EFL1: variants seen among roughly 807,000 people sequenced by gnomAD.
The protein encoded by EFL1 is elongation factor-like GTPase 1.
Under a neutral mutation model 126.7 loss-of-function variants are expected in EFL1, and 76 were observed. The observed-to-expected ratio is 0.60, with a 90% CI of 0.50 to 0.73. The LOEUF is 0.73. Among genes scored for constraint, EFL1 ranks in the 30% least tolerant of loss-of-function variants. The pLI, the probability that EFL1 is intolerant of heterozygous loss-of-function variation, is 0.00. For missense variants in EFL1, 1,128 were observed against 1,343.2 expected (o/e 0.84, Z 2.50); for synonymous variants, 410 against 448.4 (o/e 0.91, Z 1.08).
chr15:82,194,772 C>T (rs749344398), intron 15 of EFL1, among the ~76,000 whole-genome samples: 7 of 152,128 alleles, frequency 4.6e-5, no homozygotes, highest in Non-Finnish European at 8.8e-5. Context: ...TTGCTTTACT[C>T]AAAAAGATAG....
intron 8 of EFL1, among the ~76,000 whole-genome samples, chr15:82,230,071 T>C (rs2141315184): frequency 6.6e-6 from 1 of 151,568 alleles, no homozygotes; most frequent in East Asian, 1.9e-4. Flanking sequence ...AAGCTTTTAA[T>C]GGCAAGGGAA....
intron 3 of EFL1, among the ~76,000 whole-genome samples, chr15:82,256,298 A>T (rs2075066131): frequency 6.6e-6 from 1 of 152,128 alleles, no homozygotes; most frequent in Admixed American, 6.5e-5. Context: ...TATGCTATTT[A>T]AATGGTTTAC....
rs369875678 is a variant in EFL1 at position 82,240,324 on chromosome 15, C to T, written c.516+94G>A. ...CGTATGAATCTGAAGTGGAAAAGTT[C>T]CCTTTTCTGTAGCAACGGCTCATAC... On this transcript the variant is annotated intron_variant, in intron 6 of 19. Transcript: ENST00000268206. 3.2e-3 allele frequency: 3,998 copies of T among 1,256,560 alleles called. 10 individuals carry two copies. The highest frequency in any genetic ancestry group is 3.7e-3 in the Non-Finnish European group (3,441 of 917,980). 77.8% of individuals were successfully genotyped at this position (1,256,560 alleles called of 1,614,324 possible). A position where few individuals can be genotyped will look rare whatever the true frequency, so the allele number is the denominator to read the frequency against.
chr15:82,180,388 CAAAA>C (rs1249635717), intron 15 of EFL1, among the ~76,000 whole-genome samples: 11 of 96,196 alleles, frequency 1.1e-4, no homozygotes, highest in Non-Finnish European at 2.1e-4. Context: ...AAAAAACAAA[CAAAA>C]AAAACCAGCC....
chr15:82,230,823 C>G (rs1258936732), intron 8 of EFL1, 25 bp downstream of exon 8: 1 of 1,583,326 alleles, frequency 6.3e-7, no homozygotes, highest in African/African-American at 1.4e-5. Flanking sequence ...TGACCAACAA[C>G]CAAAAGGGAC....
intron 17 of EFL1, 63 bp from the exon 18 acceptor site, chr15:82,152,486 G>T: frequency 7.2e-7 from 1 of 1,391,126 alleles, no homozygotes; most frequent in Non-Finnish European, 9.7e-7. Flanking sequence ...AAGCTCCTGT[G>T]TAGAAATTAC....
intron 12 of EFL1, among the ~76,000 whole-genome samples, chr15:82,222,045 G>C (rs1300428296): frequency 1.3e-5 from 2 of 152,138 alleles, no homozygotes; most frequent in Non-Finnish European, 2.9e-5. Flanking sequence ...TGAAAAGTGT[G>C]AATTAAAATA....
At chr15:82,249,379 T>A (rs1320449789) in intron 4 of EFL1, among the ~76,000 whole-genome samples, 1 of 151,890 alleles carries the variant, frequency 6.6e-6, no homozygotes, top group Non-Finnish European at 1.5e-5. Context: ...TATAAACTTG[T>A]AAATTTATTT....
intron 14 of EFL1, among the ~76,000 whole-genome samples, chr15:82,217,786 C>T (rs181537684): frequency 1.4e-4 from 22 of 152,212 alleles, no homozygotes; most frequent in East Asian, 1.2e-3. Flanking sequence ...TTCTAACAAA[C>T]GGAATATGGC....
In EFL1 at chr15:82,211,561, C is replaced by CACTAGACACATACTAG. The variant is rs1595985625; in HGVS notation, c.1750+3155_1750+3156insCTAGTATGTGTCTAGT. 4.5e-5 allele frequency among the ~76,000 whole-genome samples: 6 copies of CACTAGACACATACTAG among 134,208 alleles called. No individual in the cohort carries two copies. In the East Asian group the frequency reaches 1.1e-3, roughly 24 times the overall value. 88.0% of individuals were successfully genotyped at this position (134,208 alleles called of 152,430 possible). A position where few individuals can be genotyped will look rare whatever the true frequency, so the allele number is the denominator to read the frequency against. ...AAAAAAATCTATATACACACACACA[C>CACTAGACACATACTAG]ACACACACACACACACACACTAGAC... On this transcript the variant is annotated intron_variant, in intron 15 of 19. Transcript: ENST00000268206.
intron 4 of EFL1, among the ~76,000 whole-genome samples, chr15:82,246,220 A>C (rs1264094490): frequency 6.6e-6 from 1 of 152,040 alleles, no homozygotes; most frequent in East Asian, 1.9e-4. Context: ...TCCACCTTTC[A>C]AGGCCTGCTG....
At chr15:82,214,617 G>T in intron 15 of EFL1, 100 bp downstream of exon 15, 1 of 1,435,902 alleles carries the variant, frequency 7.0e-7, no homozygotes, top group Non-Finnish European at 9.4e-7. Flanking sequence ...TCAAACTAAA[G>T]AATAAAGTTA....
intron 15 of EFL1, chr15:82,174,333 C>T (rs1327132522): frequency 1.1e-4 from 17 of 152,030 alleles, no homozygotes; most frequent in Admixed American, 1.0e-3. Flanking sequence ...GAATAAGCCT[C>T]GCCCTGGGAA....
chr15:82,220,408 C>T lies in EFL1; in HGVS notation c.1293-179G>A, dbSNP rs146634238. Among the ~76,000 whole-genome samples the T allele has an allele frequency of 1.4e-3, 209 of 152,290 alleles. 1 individual carries two copies. Among genetic ancestry groups the T allele is most frequent in the African/African-American group, 4.8e-3 (198 of 41,572 alleles). On this transcript the variant is annotated intron_variant, in intron 12 of 19. Transcript: ENST00000268206. ...GCCTATCAGCCTCTCTCTAATAATG[C>T]TGTGTCCCAACTATTCTGAGCTTAT...
chr15:82,227,253 G>A (rs866361355), intron 11 of EFL1, among the ~76,000 whole-genome samples, 197 bp downstream of exon 11: 3 of 152,330 alleles, frequency 2.0e-5, no homozygotes, highest in Middle Eastern at 6.8e-3. Context: ...CAAAATGGCT[G>A]TAACAAGAAA....
At chr15:82,161,674 T>C (rs1221546563) in intron 16 of EFL1, among the ~76,000 whole-genome samples, 1 of 152,256 alleles carries the variant, frequency 6.6e-6, no homozygotes, top group Non-Finnish European at 1.5e-5. Flanking sequence ...GTTTACTTTT[T>C]ACAAAGTTCA....
chr15:82,164,672 C>T (rs1274577151), intron 15 of EFL1, among the ~76,000 whole-genome samples: 1 of 151,376 alleles, frequency 6.6e-6, no homozygotes, highest in African/African-American at 2.4e-5. Flanking sequence ...CCGAGGCCGG[C>T]GGATCACAAG....
At chr15:82,246,549 AAAG>A (rs1356161278) in intron 4 of EFL1, among the ~76,000 whole-genome samples, 1 of 150,368 alleles carries the variant, frequency 6.7e-6, no homozygotes, top group Non-Finnish European at 1.5e-5. Context: ...TGTGGGGCTG[AAAG>A]AAGGATTTAT....
rs749035487 is a variant in EFL1, at chr15:82,241,449, C to T, written c.245-46G>A. On this transcript the variant is annotated intron_variant, in intron 4 of 19. Transcript: ENST00000268206. Reference sequence around the variant, plus strand: ...ACACATTTTCAGTTGTCCAGGTACACAATGTTCTTCCTCAGGCGTTCTAGA... The same window carrying T: ...ACACATTTTCAGTTGTCCAGGTACATAATGTTCTTCCTCAGGCGTTCTAGA... 7.6e-6 allele frequency: 12 copies of T among 1,585,100 alleles called. No homozygotes were observed. The South Asian group carries it at 1.4e-4, about 18-fold the overall frequency.
Sources: allele counts gnomAD v4.1 joint callset (sites outside exome capture counted in the v4.1 genomes callset), GRCh38; gene constraint gnomAD v4.1.1; transcripts MANE v1.5; gene names NCBI Gene and HGNC (gene_info 2026-07-23, HGNC 2026-07-21).